The following DCAF13 variants were observed in gnomAD, a reference collection of about 807,000 sequenced individuals.
The protein encoded by DCAF13 is DDB1 and CUL4 associated factor 13, also known as DDB1- and CUL4-associated factor 13.
In DCAF13, 38 loss-of-function variants were observed where a neutral mutation model predicts 59.0. The ratio of observed to expected loss-of-function variants is 0.64; its 90% CI spans 0.50 to 0.84. The LOEUF (loss-of-function observed/expected upper bound fraction) is 0.84. Among genes scored for constraint, DCAF13 ranks in the 40% least tolerant of loss-of-function variants. The pLI, the probability that DCAF13 is intolerant of heterozygous loss-of-function variation, is 0.00. For synonymous variants in DCAF13, 173 were observed against 175.0 expected (o/e 0.99, Z 0.09); for missense variants, 469 against 558.4 (o/e 0.84, Z 1.61).
intron 1 of DCAF13, among the ~76,000 whole-genome samples, chr8:103,419,095 A>G (rs907651346): frequency 2.6e-5 from 4 of 151,522 alleles, no homozygotes; most frequent in Admixed American, 2.6e-4. Context: ...TGTGGTAGCC[A>G]GGATGGTCTC....
At chr8:103,439,362 C>A (rs1816974535) in intron 8 of DCAF13, 3 of 143,666 alleles carry the variant, frequency 2.1e-5, no homozygotes, top group Admixed American at 1.4e-4. Flanking sequence ...ACATGTAAAT[C>A]ATCAACTCAC....
chr8:103,417,895 A>G (rs1043462828), intron 1 of DCAF13, among the ~76,000 whole-genome samples: 27 of 151,604 alleles, frequency 1.8e-4, no homozygotes, highest in African/African-American at 5.8e-4. Context: ...CGAGGCGGGA[A>G]GATCACGAGG....
intron 2 of DCAF13, 192 bp from the exon 3 acceptor site, chr8:103,420,783 T>C: frequency 1.7e-6 from 1 of 590,304 alleles, no homozygotes; most frequent in Admixed American, 3.3e-5. Context: ...CACTTTAGAA[T>C]CAACAGAGTA....
intron 6 of DCAF13, among the ~76,000 whole-genome samples, chr8:103,431,617 G>A (rs562420365): frequency 6.6e-6 from 1 of 152,254 alleles, no homozygotes; most frequent in East Asian, 1.9e-4. Flanking sequence ...TTTTAAGCAC[G>A]TTAACCTAAA....
intron 10 of DCAF13, 101 bp downstream of exon 10, chr8:103,441,719 T>TATA (rs900391208): frequency 1.8e-5 from 20 of 1,093,376 alleles, no homozygotes; most frequent in Admixed American, 7.2e-5. Flanking sequence ...GTTTATGTGC[T>TATA]ATTATTTAAT....
At chr8:103,433,975 C>T (rs1037425381) in intron 7 of DCAF13, among the ~76,000 whole-genome samples, 3 of 151,970 alleles carry the variant, frequency 2.0e-5, no homozygotes, top group African/African-American at 2.4e-5. Flanking sequence ...AGCAAGGTAC[C>T]GTTTTTCAGA....
At chr8:103,440,091 C>T (rs1586135469) in intron 8 of DCAF13, 45 bp from the exon 9 acceptor site, 3 of 1,299,242 alleles carry the variant, frequency 2.3e-6, no homozygotes. Flanking sequence ...TACTCAAAAT[C>T]TGTACCAAAA....
At chr8:103,427,397 C>A in intron 5 of DCAF13, 145 bp downstream of exon 5, 2 of 698,726 alleles carry the variant, frequency 2.9e-6, no homozygotes, top group South Asian at 2.0e-5. Flanking sequence ...TAAATGAGTT[C>A]TGATACCTTT....
At chr8:103,442,479 T>A (rs1284811500) in intron 10 of DCAF13, 1 of 176,124 alleles carries the variant, frequency 5.7e-6, no homozygotes, top group African/African-American at 2.4e-5. Flanking sequence ...TCTTTATTTT[T>A]CAATTAGAAT....
chr8:103,437,637 CT>C (rs1816949842), intron 8 of DCAF13, among the ~76,000 whole-genome samples: 1 of 152,004 alleles, frequency 6.6e-6, no homozygotes, highest in African/African-American at 2.4e-5. Flanking sequence ...TGACCTTTGC[CT>C]TTATCTGCTT....
intron 9 of DCAF13, chr8:103,440,952 T>C (rs1817002124): frequency 6.6e-6 from 1 of 152,444 alleles, no homozygotes; most frequent in South Asian, 2.1e-4. Context: ...GGCAATTCTG[T>C]TTTAGGTTTA....
intron 7 of DCAF13, 84 bp downstream of exon 7, chr8:103,432,825 C>T: frequency 1.2e-6 from 1 of 819,416 alleles, no homozygotes; most frequent in South Asian, 1.6e-5. Flanking sequence ...ATATATACCA[C>T]TAGGTAGGTA....
chr8:103,432,635 A>G, intron 6 of DCAF13, 24 bp from the exon 7 acceptor site: 1 of 1,423,822 alleles, frequency 7.0e-7, no homozygotes, highest in Non-Finnish European at 9.9e-7. Context: ...GAAGTGGGAA[A>G]TTCATCCATT....
Position 103,430,698 on chromosome 8 carries a change from C to A in DCAF13, c.702+9C>A. On this transcript the variant is annotated intron_variant, in intron 6 of 10. Coordinates refer to ENST00000612750, the MANE Select transcript of DCAF13 (RefSeq NM_015420.7). ...CTACTCCTTTGAAAAAGGTGAGTTT[C>A]AGTTTTGACTTTTGCTTTATACAGT... 1 of 1,603,662 alleles carries A rather than the reference C, an allele frequency of 6.2e-7. No homozygotes were observed. The highest frequency in any genetic ancestry group is 8.5e-7 in the Non-Finnish European group (1 of 1,173,360).
chr8:103,438,268 G>A (rs1470471465), intron 8 of DCAF13, among the ~76,000 whole-genome samples: 1 of 152,102 alleles, frequency 6.6e-6, no homozygotes, highest in Non-Finnish European at 1.5e-5. Flanking sequence ...AGAAGAAAAA[G>A]CAGTCTATCT....
chr8:103,441,701 A>G (rs1817012964), intron 10 of DCAF13, 83 bp downstream of exon 10: 3 of 1,307,672 alleles, frequency 2.3e-6, no homozygotes, highest in Non-Finnish European at 3.2e-6. Flanking sequence ...CTGCCATTCA[A>G]GGGAGTAGTT....
chr8:103,429,268 C>G (rs191161763), intron 5 of DCAF13: 1 of 152,252 alleles, frequency 6.6e-6, no homozygotes, highest in African/African-American at 2.4e-5. Flanking sequence ...AGGGACCTCA[C>G]TAGGGAAGTC....
At chr8:103,433,769 A>C (rs916841088) in intron 7 of DCAF13, among the ~76,000 whole-genome samples, 6 of 152,114 alleles carry the variant, frequency 3.9e-5, no homozygotes, top group Non-Finnish European at 7.4e-5. Context: ...TTAAAAAAAT[A>C]AAAGAAGCTC....
In DCAF13 at chr8:103,442,894, A is replaced by G. The variant is rs750030245; in HGVS notation, c.*12A>G. 2.6e-6 allele frequency: 4 copies of G among 1,543,548 alleles called. No individual in the cohort carries two copies. The highest frequency in any genetic ancestry group is 3.5e-6 in the Non-Finnish European group (4 of 1,129,056). On this transcript the variant is annotated 3_prime_UTR_variant, in exon 11 of 11. Transcript: ENST00000612750. The stretch of plus-strand genomic sequence containing the variant: ...CAGTTGTAAAATAATTGGTATTCCT[A>G]ACAATCCTGATGTATAATTATTTGT...
Sources: allele counts gnomAD v4.1 joint callset (sites outside exome capture counted in the v4.1 genomes callset), GRCh38; gene constraint gnomAD v4.1.1; transcripts MANE v1.5; gene names NCBI Gene and HGNC (gene_info 2026-07-23, HGNC 2026-07-21).